Variants in FAM178B observed in about 807,000 individuals in gnomAD.
The protein encoded by FAM178B is protein FAM178B.
In FAM178B, 82 loss-of-function variants were observed where a neutral mutation model predicts 91.7. The observed-to-expected ratio is 0.89, with a 90% confidence interval of 0.75 to 1.07. The LOEUF is 1.07. Among genes scored for constraint, FAM178B ranks in the 50% least tolerant of loss-of-function variants. The probability of loss-of-function intolerance (pLI) is 0.00; values close to 1 mark genes in which losing one functional copy is unlikely to be tolerated. For synonymous variants in FAM178B, 368 were observed against 359.4 expected (o/e 1.02, Z -0.27); for missense variants, 769 against 846.7 (o/e 0.91, Z 1.14).
chr2:96,933,689 A>T (rs1163615717), intron 8 of FAM178B, among the ~76,000 whole-genome samples: 2 of 152,088 alleles, frequency 1.3e-5, no homozygotes, highest in Non-Finnish European at 2.9e-5. Context: ...CAAATCAAAC[A>T]GCTAATGAGC....
chr2:96,982,735 ATTTTTTTTT>A (rs58540459), intron 1 of FAM178B, among the ~76,000 whole-genome samples: 8 of 52,230 alleles, frequency 1.5e-4, no homozygotes, highest in African/African-American at 5.3e-4. Context: ...TGCCCAGCTA[ATTTTTTTTT>A]TTTTTTTTTT....
intron 8 of FAM178B, among the ~76,000 whole-genome samples, chr2:96,944,448 A>AG (rs775570849): frequency 3.3e-5 from 5 of 152,178 alleles, no homozygotes; most frequent in African/African-American, 7.2e-5. Flanking sequence ...TGATAAAAAG[A>AG]GGGGAAAGTA....
At chr2:96,888,919 A>G (rs1219039397) in intron 14 of FAM178B, among the ~76,000 whole-genome samples, 1 of 152,148 alleles carries the variant, frequency 6.6e-6, no homozygotes, top group Non-Finnish European at 1.5e-5. Context: ...ATTCTGTACA[A>G]ATGCACTTCT....
In FAM178B at chr2:96,895,138, T is replaced by G; in HGVS notation, c.1651-1087A>C. Reference sequence around the variant, plus strand: ...CTGCCTTCCACTCCCCTTCCCGCTCTTTTCCTTCCAGGGGATTTTAAAGCA... The same window carrying G: ...CTGCCTTCCACTCCCCTTCCCGCTCGTTTCCTTCCAGGGGATTTTAAAGCA... On this transcript the variant is annotated intron_variant, in intron 13 of 16. Coordinates refer to ENST00000490605, the MANE Select transcript of FAM178B (RefSeq NM_001122646.3). The G allele has an allele frequency of 4.7e-6, 6 of 1,287,022 alleles. No individual in the cohort carries two copies. The South Asian group carries it at 7.4e-5, about 16-fold the overall frequency. The allele number at this position is 1,287,022 out of a possible 1,614,324, so 79.7% of individuals were successfully genotyped here. A position where few individuals can be genotyped will look rare whatever the true frequency, so the allele number is the denominator to read the frequency against.
At chr2:96,896,831 T>C (rs941266405) in intron 13 of FAM178B, among the ~76,000 whole-genome samples, 2 of 152,166 alleles carry the variant, frequency 1.3e-5, no homozygotes, top group African/African-American at 4.8e-5. Flanking sequence ...CACACCCACC[T>C]TCTCAGTGAG....
intron 13 of FAM178B, chr2:96,895,222 C>T (rs2080798095): frequency 1.5e-6 from 1 of 685,774 alleles, no homozygotes. Flanking sequence ...GGATTTCCCC[C>T]CAATCTAATC....
At chr2:96,890,420 C>T (rs1184447565) in intron 14 of FAM178B, among the ~76,000 whole-genome samples, 2 of 152,150 alleles carry the variant, frequency 1.3e-5, no homozygotes, top group African/African-American at 4.8e-5. Context: ...GCCTTGATGG[C>T]GCCACTGCAT....
intron 14 of FAM178B, among the ~76,000 whole-genome samples, chr2:96,888,716 CA>C (rs1312756412): frequency 2.6e-5 from 4 of 152,256 alleles, no homozygotes; most frequent in Non-Finnish European, 5.9e-5. Flanking sequence ...CGGCACACCA[CA>C]AGGATATACA....
intron 6 of FAM178B, among the ~76,000 whole-genome samples, chr2:96,954,962 G>C (rs2081978130): frequency 6.6e-6 from 1 of 152,168 alleles, no homozygotes; most frequent in Non-Finnish European, 1.5e-5. Context: ...GAGGCAAGAG[G>C]ACCTCTTGAG....
chr2:96,939,913 C>CT (rs924272274), intron 8 of FAM178B, among the ~76,000 whole-genome samples: 1 of 152,166 alleles, frequency 6.6e-6, no homozygotes, highest in African/African-American at 2.4e-5. Flanking sequence ...AATTAAACTG[C>CT]TTTTATTATC....
chr2:96,965,031 G>A (rs1267643598), intron 5 of FAM178B, among the ~76,000 whole-genome samples: 3 of 152,080 alleles, frequency 2.0e-5, no homozygotes, highest in Non-Finnish European at 2.9e-5. Context: ...ACGGAGTCTC[G>A]CTCTGTCGCC....
At chr2:96,955,221 C>T (rs1186977341) in intron 6 of FAM178B, among the ~76,000 whole-genome samples, 5 of 151,830 alleles carry the variant, frequency 3.3e-5, no homozygotes, top group Admixed American at 6.6e-5. Flanking sequence ...CAAAAATTAG[C>T]CATGCGAGAC....
chr2:96,891,632 G>A (rs942344326), intron 14 of FAM178B, among the ~76,000 whole-genome samples: 28 of 152,240 alleles, frequency 1.8e-4, no homozygotes, highest in Non-Finnish European at 1.3e-4. Context: ...CAAGGGATCA[G>A]TGAGGAGAGA....
intron 1 of FAM178B, among the ~76,000 whole-genome samples, chr2:96,978,218 A>G (rs1393610469): frequency 6.6e-6 from 1 of 152,188 alleles, no homozygotes. Context: ...ATACATTGAC[A>G]TGCACCATAC....
intron 9 of FAM178B, among the ~76,000 whole-genome samples, chr2:96,927,926 G>T (rs1372091388): frequency 2.6e-5 from 4 of 152,320 alleles, no homozygotes; most frequent in African/African-American, 9.6e-5. Flanking sequence ...CATCCAAGAC[G>T]GTGTGCGATT....
chr2:96,889,213 TC>T (rs1014165087), intron 14 of FAM178B, among the ~76,000 whole-genome samples: 1 of 152,084 alleles, frequency 6.6e-6, no homozygotes, highest in Non-Finnish European at 1.5e-5. Flanking sequence ...TCTGGGACCA[TC>T]CCCCTTTGTG....
At chr2:96,984,060 C>G (rs7421676) in intron 1 of FAM178B, among the ~76,000 whole-genome samples, 4 of 152,102 alleles carry the variant, frequency 2.6e-5, no homozygotes, top group Non-Finnish European at 4.4e-5. Context: ...ACCTCCGCCT[C>G]CCGGGTTCAA....
chr2:96,939,815 T>G (rs1454108867), intron 8 of FAM178B, among the ~76,000 whole-genome samples: 2 of 152,110 alleles, frequency 1.3e-5, no homozygotes, highest in Admixed American at 6.5e-5. Flanking sequence ...CTTGTAGGGT[T>G]GTTGTGGTGA....
At chr2:96,905,846 A>ATG (rs1559064237) in intron 12 of FAM178B, among the ~76,000 whole-genome samples, 302 of 26,904 alleles carry the variant, frequency 0.011, 13 homozygotes, top group Non-Finnish European at 0.017. Context: ...ATATATATAT[A>ATG]TATATATATA....
Sources: gnomAD v4.1 joint callset for allele counts (sites outside exome capture counted in the v4.1 genomes callset) on GRCh38, gnomAD v4.1.1 for gene constraint, MANE v1.5 for transcripts, NCBI Gene and HGNC (gene_info 2026-07-23, HGNC 2026-07-21) for gene names.